Variants in ENO3 observed in about 807,000 individuals in gnomAD.
The protein encoded by ENO3 is enolase 3.
Under a neutral mutation model 47.7 loss-of-function variants are expected in ENO3, and 46 were observed. The observed-to-expected ratio is 0.96, with a 90% CI of 0.76 to 1.23. The LOEUF is 1.23. Among genes scored for constraint, ENO3 ranks in the 50% most tolerant of loss-of-function variants. The pLI is 0.00. For missense variants in ENO3, 575 were observed against 566.2 expected, an observed-to-expected ratio of 1.02 and a Z score of -0.16; for synonymous variants, 223 against 225.9, an observed-to-expected ratio of 0.99 and a Z score of 0.11.
At chr17:4,956,312 A>G (rs1470508709) in intron 9 of ENO3, 169 bp downstream of exon 9, 2 of 883,458 alleles carry the variant, frequency 2.3e-6, no homozygotes, top group African/African-American at 1.7e-5. Flanking sequence ...CCTGACTCCA[A>G]GAGCTTTGCC....
rs771319383 is a variant in ENO3, at chr17:4,952,796, C to A, written c.87C>A (p.Gly29=). Residue 29 remains glycine, a splice_region_variant and synonymous_variant, in exon 3 of 12, where the codon GGC becomes GGA. Coordinates refer to ENST00000519602, the MANE Select transcript of ENO3 (RefSeq NM_053013.4). ...TVEVDLHTAK[G]RFRAAVPSGA... ...ATCTTCCAATTCCTCCTGTCCCAGG[C>A]CGATTCCGAGCAGCTGTGCCCAGTG... 3.1e-6 allele frequency: 5 copies of A among 1,607,762 alleles called. No individual in the cohort carries two copies. The highest frequency in any genetic ancestry group is 4.2e-6 in the Non-Finnish European group (5 of 1,176,532).
At chr17:4,952,005 T>C in intron 2 of ENO3, 91 bp downstream of exon 2, 1 of 1,408,206 alleles carries the variant, frequency 7.1e-7, no homozygotes, top group Non-Finnish European at 1.0e-6. Context: ...CTCTCCTTTC[T>C]CTCGGGTTCC....
At position 4,955,607 on chromosome 17, in the gene ENO3, G is replaced by C. The variant is rs147327991; in HGVS notation, c.865+3G>C. 6.2e-7 allele frequency: 1 copy of C among 1,614,226 alleles called. No homozygotes were observed. Among genetic ancestry groups the C allele is most frequent in the Non-Finnish European group, 8.5e-7 (1 of 1,180,030 alleles). On this transcript the variant is annotated splice_donor_region_variant and intron_variant, in intron 8 of 11. Transcript: ENST00000519602. ...GAGCTTTATCAAGAACTATCCTGGT[G>C]AGGCGTTCGGGTGTCCCAGTGTTCC...
chr17:4,952,129 C>T (rs1971558359), intron 2 of ENO3: 2 of 671,428 alleles, frequency 3.0e-6, no homozygotes, highest in Non-Finnish European at 5.5e-6. Context: ...TCAGAGAGGA[C>T]ACCTCAGCCC....
chr17:4,954,925 A>T, intron 6 of ENO3, 150 bp from the exon 7 acceptor site: 7 of 583,528 alleles, frequency 1.2e-5, no homozygotes, highest in African/African-American at 1.9e-5. Context: ...GAAAGAAATG[A>T]GGAAAGAGGC....
intron 10 of ENO3, 69 bp from the exon 11 acceptor site, chr17:4,956,762 C>G (rs1176769400): frequency 1.2e-6 from 2 of 1,613,914 alleles, no homozygotes; most frequent in East Asian, 4.5e-5. Context: ...GTTAATGCTC[C>G]CTTGGGGCCA....
intron 2 of ENO3, 39 bp from the exon 3 acceptor site, chr17:4,952,756 C>T (rs1357179833): frequency 6.3e-7 from 1 of 1,579,214 alleles, no homozygotes; most frequent in South Asian, 1.1e-5. Context: ...GCCACCGCGC[C>T]CAGCCATCCC....
rs771921271 is a variant in ENO3, at chr17:4,956,853, G to A, written c.1199G>A (p.Arg400His). ...TGQIKTGAPC[R>H]SERLAKYNQL... Reference sequence around the variant, plus strand: ...CAGATCAAGACTGGCGCCCCCTGCCGCTCGGAGCGTCTGGCCAAATACAAC... The same window carrying A: ...CAGATCAAGACTGGCGCCCCCTGCCACTCGGAGCGTCTGGCCAAATACAAC... Residue 400 changes from arginine (R) to histidine (H), a missense_variant, in exon 11 of 12, where the codon CGC becomes CAC. Coordinates refer to ENST00000519602, the MANE Select transcript of ENO3 (RefSeq NM_053013.4). 3.7e-6 allele frequency: 6 copies of A among 1,614,154 alleles called. No individual in the cohort carries two copies. The highest frequency in any genetic ancestry group is 2.2e-5 in the East Asian group (1 of 44,878).
At chr17:4,952,343 AT>A (rs11310549) in intron 2 of ENO3, 16,150 of 249,900 alleles carry the variant, frequency 0.065, 3 homozygotes, top group South Asian at 0.13. Context: ...CGCCCAGCTA[AT>A]TTTTTTTTTT....
At chr17:4,956,946 G>A (rs1251795745) in intron 11 of ENO3, 32 bp from the exon 12 acceptor site, 1 of 1,614,264 alleles carries the variant, frequency 6.2e-7, no homozygotes, top group Non-Finnish European at 8.5e-7. Flanking sequence ...TAGGTTGGAA[G>A]TTCAGCAGCC....
chr17:4,951,488 T>G (rs1228773306), intron 1 of ENO3, among the ~76,000 whole-genome samples: 1 of 151,814 alleles, frequency 6.6e-6, no homozygotes, highest in Middle Eastern at 3.2e-3. Flanking sequence ...CCAGAAAGGA[T>G]TTGAAGGCCA....
chr17:4,955,744 G>A, intron 8 of ENO3, 140 bp downstream of exon 8: 1 of 1,376,602 alleles, frequency 7.3e-7, no homozygotes, highest in East Asian at 2.3e-5. Flanking sequence ...AAGCTCTTCT[G>A]CCCTGTCACC....
At chr17:4,949,529 A>G (rs949428450), upstream of ENO3, among the ~76,000 whole-genome samples, 2 of 152,188 alleles carry the variant, frequency 1.3e-5, 1 homozygote, top group South Asian at 4.1e-4. Flanking sequence ...CAAGAGTGGC[A>G]ACTTTTTCAA....
intron 4 of ENO3, 43 bp downstream of exon 4, chr17:4,953,152 C>T (rs781666028): frequency 3.1e-6 from 5 of 1,613,888 alleles, no homozygotes; most frequent in Middle Eastern, 1.6e-4. Flanking sequence ...TCCCCATGCC[C>T]CTGCTCCCTC....
In ENO3 at chr17:4,955,193, T is replaced by C. The variant is rs780137202; in HGVS notation, c.563T>C (p.Val188Ala). The change falls in exon 7 of 12, where the codon GTC becomes GCC. Residue 188 changes from valine to alanine, a missense_variant. By Grantham distance (64) the Val-to-Ala change is moderately conservative. Transcript: ENST00000519602. ...GAAGCCATGCGCATTGGCGCCGAGG[T>C]CTACCACCACCTCAAGGGGGTCATC... ...FKEAMRIGAE[V>A]YHHLKGVIKA... 1.9e-6 allele frequency: 3 copies of C among 1,614,114 alleles called. No individual in the cohort carries two copies. The Admixed American group carries it at 5.0e-5, about 27-fold the overall frequency.
Position 4,955,466 on chromosome 17 carries a change from G to A in ENO3, c.727G>A (p.Gly243Ser), listed in dbSNP as rs201670239. The change falls in exon 8 of 12, where the codon GGC becomes AGC. Residue 243 changes from glycine to serine, a missense_variant. Physicochemically the swap from Gly to Ser is moderately conservative, Grantham distance 56 (BLOSUM62 0). Transcript: ENST00000519602. ...TGGTTACCCAGACAAGGTGGTGATC[G>A]GCATGGATGTGGCAGCATCTGAGTT... ...AAGYPDKVVI[G>S]MDVAASEFYR... The A allele has an allele frequency of 2.5e-6, 4 of 1,614,104 alleles. No homozygotes were observed. Among genetic ancestry groups the A allele is most frequent in the Admixed American group, 3.3e-5 (2 of 60,008 alleles).
In ENO3 at chr17:4,955,282, C is replaced by G. The variant is rs1292305368; in HGVS notation, c.652C>G (p.Leu218Val). 1.9e-6 allele frequency: 3 copies of G among 1,614,144 alleles called. No homozygotes were observed. The highest frequency in any genetic ancestry group is 4.5e-5 in the East Asian group (2 of 44,894). Residue 218 changes from leucine to valine, a missense_variant, in exon 7 of 12, where the codon CTG (leucine) becomes GTG (valine). Transcript: ENST00000519602. ...GDEGGFAPNILENNEALELLK... is the reference protein window; with the variant it reads ...GDEGGFAPNIVENNEALELLK... Reference sequence around the variant, plus strand: ...TGAAGGTGGCTTCGCACCCAACATCCTGGAGAACAATGAGGGTCAGTGCTG... The same window carrying G: ...TGAAGGTGGCTTCGCACCCAACATCGTGGAGAACAATGAGGGTCAGTGCTG...
intron 11 of ENO3, 37 bp from the exon 12 acceptor site, chr17:4,956,941 T>G (rs199762513): frequency 2.5e-4 from 403 of 1,614,066 alleles, no homozygotes; most frequent in Non-Finnish European, 3.3e-4. Context: ...GCTGTTAGGT[T>G]GGAAGTTCAG....
rs1487214381 is a variant in ENO3, at chr17:4,955,494, A to G, written c.755A>G (p.Tyr252Cys). The change falls in exon 8 of 12, where the codon TAT becomes TGT. Residue 252 changes from tyrosine (Y) to cysteine (C), a missense_variant. Tyr to Cys is a radical substitution (Grantham distance 194). Transcript: ENST00000519602. ...IGMDVAASEF[Y>C]RNGKYDLDFK... ...ATGGATGTGGCAGCATCTGAGTTCT[A>G]TCGCAATGGGAAGTACGATCTTGAC... 6.2e-7 allele frequency: 1 copy of G among 1,614,100 alleles called. No individual in the cohort carries two copies. Among genetic ancestry groups the G allele is most frequent in the Non-Finnish European group, 8.5e-7 (1 of 1,180,056 alleles).
Sources: gnomAD v4.1 joint callset for allele counts (sites outside exome capture counted in the v4.1 genomes callset) on GRCh38, gnomAD v4.1.1 for gene constraint, MANE v1.5 for transcripts, NCBI Gene and HGNC (gene_info 2026-07-23, HGNC 2026-07-21) for gene names.